The following RALYL variants were observed in gnomAD, a reference collection of about 807,000 sequenced individuals.
The protein encoded by RALYL is RALY RNA binding protein like, also known as RNA-binding Raly-like protein.
A neutral mutation model predicts 35.1 loss-of-function variants in RALYL; 29 were observed. The ratio of observed to expected loss-of-function variants is 0.83; its 90% CI spans 0.61 to 1.13. The LOEUF is 1.13. Ranked by LOEUF, RALYL falls within the 50% of genes most tolerant of loss-of-function variation. RALYL has a pLI of 0.00. For synonymous variants in RALYL, 120 were observed against 127.6 expected, an observed-to-expected ratio of 0.94 and a Z score of 0.40; for missense variants, 359 against 360.4, an observed-to-expected ratio of 1.00 and a Z score of 0.03.
intron 5 of RALYL, among the ~76,000 whole-genome samples, chr8:84,860,813 C>A (rs1018000675): frequency 6.6e-6 from 1 of 152,116 alleles, no homozygotes; most frequent in African/African-American, 2.4e-5. Context: ...TTTTCGAATA[C>A]CCTAAGTCTC....
chr8:84,808,296 G>A (rs372314365), intron 4 of RALYL, among the ~76,000 whole-genome samples: 5 of 152,072 alleles, frequency 3.3e-5, no homozygotes, highest in East Asian at 1.9e-4. Context: ...TTGCTTTGTC[G>A]AAGATCATTT....
intron 2 of RALYL, among the ~76,000 whole-genome samples, chr8:84,770,766 C>T (rs2718967): frequency 0.23 from 34,888 of 151,722 alleles, 4,245 homozygotes; most frequent in Non-Finnish European, 0.25. Flanking sequence ...GGTATAGCAC[C>T]GTGGTTTTGA....
intron 2 of RALYL, among the ~76,000 whole-genome samples, chr8:84,755,311 A>T (rs1349410348): frequency 6.6e-6 from 1 of 152,200 alleles, no homozygotes; most frequent in Non-Finnish European, 1.5e-5. Flanking sequence ...ATTGTTGTTA[A>T]CCCGATATCA....
chr8:84,621,627 T>A (rs779279687), intron 2 of RALYL, among the ~76,000 whole-genome samples: 5 of 152,154 alleles, frequency 3.3e-5, no homozygotes, highest in Non-Finnish European at 7.4e-5. Context: ...CTCCCCCGAC[T>A]ATAGAACTTT....
intron 1 of RALYL, among the ~76,000 whole-genome samples, chr8:84,488,320 T>C (rs2054876906): frequency 6.6e-6 from 1 of 152,118 alleles, no homozygotes; most frequent in Non-Finnish European, 1.5e-5. Context: ...AAGGTTAATA[T>C]CAACTTTTTG....
intron 2 of RALYL, among the ~76,000 whole-genome samples, chr8:84,747,559 G>A (rs10092698): frequency 0.27 from 40,765 of 151,474 alleles, 5,897 homozygotes; most frequent in African/African-American, 0.35. Context: ...TTTAAATGTC[G>A]GAAAGTGCAG....
chr8:84,448,866 G>C (rs939225198), intron 1 of RALYL, among the ~76,000 whole-genome samples: 1 of 151,972 alleles, frequency 6.6e-6, no homozygotes, highest in Non-Finnish European at 1.5e-5. Flanking sequence ...GGTCATGCTA[G>C]GTTCTTCTCC....
chr8:84,607,402 T>C (rs1325617365), intron 2 of RALYL, among the ~76,000 whole-genome samples: 1 of 152,158 alleles, frequency 6.6e-6, no homozygotes. Context: ...TTCAAAATGA[T>C]TTTTAAACTG....
At chr8:84,675,834 C>G (rs1469355617) in intron 2 of RALYL, among the ~76,000 whole-genome samples, 1 of 152,118 alleles carries the variant, frequency 6.6e-6, no homozygotes, top group East Asian at 1.9e-4. Context: ...GACTTTACCC[C>G]TATACAATAT....
At chr8:84,651,991 T>C (rs1828937471) in intron 2 of RALYL, among the ~76,000 whole-genome samples, 1 of 152,080 alleles carries the variant, frequency 6.6e-6, no homozygotes, top group Admixed American at 6.6e-5. Flanking sequence ...TTTGCCAGAA[T>C]CCTCACATTT....
intron 1 of RALYL, among the ~76,000 whole-genome samples, chr8:84,469,007 G>A (rs2052236569): frequency 6.6e-6 from 1 of 151,424 alleles, no homozygotes; most frequent in Non-Finnish European, 1.5e-5. Flanking sequence ...GCTCCTTTAA[G>A]CACTTCTCTG....
chr8:84,226,929 A>G (rs576601705), intron 1 of RALYL, among the ~76,000 whole-genome samples: 1 of 152,154 alleles, frequency 6.6e-6, no homozygotes, highest in Admixed American at 6.6e-5. Context: ...TTATTAGTGA[A>G]TTAATGGAGT....
intron 1 of RALYL, among the ~76,000 whole-genome samples, chr8:84,249,907 T>A (rs948868194): frequency 2.0e-5 from 3 of 151,912 alleles, no homozygotes; most frequent in African/African-American, 4.8e-5. Flanking sequence ...ATAACCAAGC[T>A]ATTAATAATA....
At chr8:84,559,325 G>A (rs1015095114) in intron 2 of RALYL, among the ~76,000 whole-genome samples, 3 of 151,998 alleles carry the variant, frequency 2.0e-5, no homozygotes, top group African/African-American at 7.2e-5. Context: ...GGAAGTCAGA[G>A]TGCAATTGTC....
In RALYL at chr8:84,849,579, C is replaced by T. The variant is rs944915747; in HGVS notation, c.366-401C>T. 1.1e-4 allele frequency among the ~76,000 whole-genome samples: 17 copies of T among 149,014 alleles called. 1 individual carries two copies. Among genetic ancestry groups the T allele is most frequent in the Admixed American group, 1.1e-3 (17 of 14,928 alleles). Reference sequence around the variant, plus strand: ...TGTTTTTGTTTTTTTTTTTTTGAGACGGAGTCTCGCTCTGTGTCGCCCAGG... The same window carrying T: ...TGTTTTTGTTTTTTTTTTTTTGAGATGGAGTCTCGCTCTGTGTCGCCCAGG... On this transcript the variant is annotated intron_variant, in intron 4 of 8. Transcript: ENST00000521268.
chr8:84,825,937 C>T (rs1018718801), intron 4 of RALYL, among the ~76,000 whole-genome samples: 2 of 151,966 alleles, frequency 1.3e-5, no homozygotes, highest in Middle Eastern at 3.4e-3. Context: ...AAAAAGAAAA[C>T]GTGGTACACA....
chr8:84,454,546 C>G (rs2049916657), intron 1 of RALYL, among the ~76,000 whole-genome samples: 1 of 152,026 alleles, frequency 6.6e-6, no homozygotes, highest in African/African-American at 2.4e-5. Flanking sequence ...GAGGTGGGGT[C>G]CTTGTTCCAA....
At chr8:84,493,185 G>A (rs1467064994) in intron 1 of RALYL, among the ~76,000 whole-genome samples, 1 of 152,010 alleles carries the variant, frequency 6.6e-6, no homozygotes, top group Non-Finnish European at 1.5e-5. Flanking sequence ...TTCTGTACCC[G>A]TGTTAGTTTG....
chr8:84,609,056 G>A (rs1256179181), intron 2 of RALYL, among the ~76,000 whole-genome samples: 1 of 152,094 alleles, frequency 6.6e-6, no homozygotes, highest in African/African-American at 2.4e-5. Flanking sequence ...TCAGTGTCCA[G>A]GGACCTTTCC....
Sources: allele counts gnomAD v4.1 joint callset (sites outside exome capture counted in the v4.1 genomes callset), GRCh38; gene constraint gnomAD v4.1.1; transcripts MANE v1.5; gene names NCBI Gene and HGNC (gene_info 2026-07-23, HGNC 2026-07-21).